NALCN: variants seen among roughly 807,000 people sequenced by gnomAD.
NALCN encodes the protein sodium leak channel, non-selective.
In NALCN, 111 loss-of-function variants were observed where a neutral mutation model predicts 225.3. The ratio of observed to expected loss-of-function variants is 0.49; its 90% CI spans 0.42 to 0.58. The LOEUF is 0.58. Ranked by LOEUF, NALCN falls within the 20% of genes least tolerant of loss-of-function variation. The pLI is 0.00. For synonymous variants in NALCN, 764 were observed against 769.0 expected (o/e 0.99, Z 0.11); for missense variants, 1,378 against 2,202.4 (o/e 0.63, Z 7.49).
chr13:101,107,460 C>A, intron 22 of NALCN, 27 bp downstream of exon 22: 1 of 1,613,626 alleles, frequency 6.2e-7, no homozygotes, highest in South Asian at 1.1e-5. Context: ...TCAGGCCAAA[C>A]ACCTGGCTGA....
At chr13:101,106,524 G>A (rs1470425761) in intron 22 of NALCN, among the ~76,000 whole-genome samples, 2 of 152,110 alleles carry the variant, frequency 1.3e-5, no homozygotes, top group Non-Finnish European at 2.9e-5. Context: ...TACTGATAGG[G>A]TTTGGCTCTG....
chr13:101,278,008 C>T (rs2043020706), intron 10 of NALCN, among the ~76,000 whole-genome samples: 1 of 152,128 alleles, frequency 6.6e-6, no homozygotes, highest in South Asian at 2.1e-4. Flanking sequence ...ATGTAAAATA[C>T]TCTGGTTTTT....
intron 7 of NALCN, among the ~76,000 whole-genome samples, chr13:101,306,639 G>C (rs911870096): frequency 6.6e-6 from 1 of 152,158 alleles, no homozygotes; most frequent in Non-Finnish European, 1.5e-5. Context: ...CATCCCAAAC[G>C]TTAGAATATC....
intron 7 of NALCN, among the ~76,000 whole-genome samples, chr13:101,293,654 T>C (rs1025143360): frequency 6.6e-6 from 1 of 152,184 alleles, no homozygotes; most frequent in Non-Finnish European, 1.5e-5. Flanking sequence ...ACTGTTTCTT[T>C]GAGCCTGTGC....
intron 10 of NALCN, among the ~76,000 whole-genome samples, chr13:101,263,305 C>T (rs1276126733): frequency 6.6e-6 from 1 of 152,210 alleles, no homozygotes; most frequent in Non-Finnish European, 1.5e-5. Context: ...ACCTTCATAA[C>T]ACAGATAGGC....
At chr13:101,389,780 G>T (rs78057340) in intron 3 of NALCN, among the ~76,000 whole-genome samples, 3,242 of 152,252 alleles carry the variant, frequency 0.021, 120 homozygotes, top group African/African-American at 0.074. Context: ...TACAGAATAA[G>T]ATGAATGAAA....
intron 7 of NALCN, among the ~76,000 whole-genome samples, chr13:101,344,632 A>G (rs2045659121): frequency 6.6e-6 from 1 of 152,224 alleles, no homozygotes; most frequent in Non-Finnish European, 1.5e-5. Flanking sequence ...TAAAAATACA[A>G]TGATATCAAC....
chr13:101,066,663 C>T (rs1036959858), intron 39 of NALCN, among the ~76,000 whole-genome samples: 16 of 152,094 alleles, frequency 1.1e-4, no homozygotes, highest in African/African-American at 3.9e-4. Context: ...TGAGAGTGAG[C>T]TCAGATGCCC....
intron 7 of NALCN, among the ~76,000 whole-genome samples, chr13:101,341,610 T>G (rs1301647433): frequency 2.0e-5 from 3 of 152,220 alleles, no homozygotes; most frequent in Non-Finnish European, 1.5e-5. Flanking sequence ...TTTTTCAGTT[T>G]TAAAAGTACC....
intron 1 of NALCN, among the ~76,000 whole-genome samples, chr13:101,409,944 G>A (rs2047732184): frequency 2.0e-5 from 3 of 152,272 alleles, no homozygotes; most frequent in South Asian, 4.2e-4. Context: ...TGGGGCCTTT[G>A]GGAGGTCATG....
chr13:101,397,102 A>ATATATATAT (rs2047325450), intron 2 of NALCN, among the ~76,000 whole-genome samples: 1 of 70,276 alleles, frequency 1.4e-5, no homozygotes, highest in Admixed American at 1.4e-4. Flanking sequence ...ATATATATAT[A>ATATATATAT]TATATATACA....
At chr13:101,291,599 G>A (rs1039127430) in intron 9 of NALCN, among the ~76,000 whole-genome samples, 1 of 152,112 alleles carries the variant, frequency 6.6e-6, no homozygotes. Flanking sequence ...CCAGGCTGGG[G>A]TGCAGTGTTG....
In NALCN at chr13:101,238,084, T is replaced by C. The variant is rs9518353; in HGVS notation, c.1267-162A>G. Among the ~76,000 whole-genome samples, 58,003 of 151,782 alleles carry C rather than the reference T, an allele frequency of 0.38. 12,164 individuals are homozygous for C. Among genetic ancestry groups the C allele is most frequent in the East Asian group, 0.59 (3,047 of 5,176 alleles). Reference sequence around the variant, plus strand: ...TTACTTTAAGAATGCATTTGAAACATACCAACTAGAACACAGTAGACCAAA... The same window carrying C: ...TTACTTTAAGAATGCATTTGAAACACACCAACTAGAACACAGTAGACCAAA... On this transcript the variant is annotated intron_variant, in intron 11 of 43. Transcript: ENST00000251127.
intron 7 of NALCN, among the ~76,000 whole-genome samples, chr13:101,296,593 T>C (rs911180812): frequency 6.6e-6 from 1 of 152,226 alleles, no homozygotes; most frequent in African/African-American, 2.4e-5. Flanking sequence ...TCCATTTTAA[T>C]TATAGAACTA....
Position 101,176,288 on chromosome 13 carries a change from C to T in NALCN, c.1839+12G>A, listed in dbSNP as rs569367367. The T allele has an allele frequency of 6.5e-7, 1 of 1,528,014 alleles. No individual in the cohort carries two copies. Among genetic ancestry groups the T allele is most frequent in the African/African-American group, 1.4e-5 (1 of 70,218 alleles). The allele number at this position is 1,528,014 out of a possible 1,614,324, so 94.7% of individuals were successfully genotyped here. A position where few individuals can be genotyped will look rare whatever the true frequency, so the allele number is the denominator to read the frequency against. On this transcript the variant is annotated intron_variant, in intron 15 of 43. Coordinates refer to ENST00000251127, the MANE Select transcript of NALCN (RefSeq NM_052867.4). Reference sequence around the variant, plus strand: ...TGTCCTTTTTAAAAAAAATCCCCCACACACTACTTACTTGTTTAAGCTTCT... The same window carrying T: ...TGTCCTTTTTAAAAAAAATCCCCCATACACTACTTACTTGTTTAAGCTTCT...
chr13:101,311,197 T>G (rs1441399929), intron 7 of NALCN, among the ~76,000 whole-genome samples: 2 of 151,396 alleles, frequency 1.3e-5, no homozygotes, highest in Non-Finnish European at 2.9e-5. Context: ...TTGTGATTTT[T>G]GCACATTGAT....
chr13:101,346,087 C>CTCTCTCTATATATATATATATATA, intron 6 of NALCN, among the ~76,000 whole-genome samples: 46 of 70,938 alleles, frequency 6.5e-4, no homozygotes, highest in Non-Finnish European at 1.1e-3. Context: ...CTCTCTCTCT[C>CTCTCTCTATATATATATATATATA]TATATATATA....
At chr13:101,093,369 AT>A (rs2034335802) in intron 28 of NALCN, among the ~76,000 whole-genome samples, 1 of 152,244 alleles carries the variant, frequency 6.6e-6, no homozygotes, top group South Asian at 2.1e-4. Context: ...AAATTACAAA[AT>A]TTCAGCTTCC....
chr13:101,065,526 C>A lies in NALCN; in HGVS notation c.4482G>T (p.Leu1494=), dbSNP rs2032303906. 2 of 1,614,010 alleles carry A rather than the reference C, an allele frequency of 1.2e-6. No homozygotes were observed. The highest frequency in any genetic ancestry group is 2.2e-5 in the South Asian group (2 of 91,092). The change falls in exon 40 of 44, where the codon CTG becomes CTT. Residue 1494 remains leucine, a synonymous_variant. Coordinates refer to ENST00000251127, the MANE Select transcript of NALCN (RefSeq NM_052867.4). ...CCTCCAGCCTCCCACGCAGTAGCCG[C>A]AGCAGGAACTTGACGCGGAACGTGG... The part of the protein sequence containing the change: ...VIPTFRVKFL[L]RLLRGRLEVD...
Sources: gnomAD v4.1 joint callset for allele counts (sites outside exome capture counted in the v4.1 genomes callset) on GRCh38, gnomAD v4.1.1 for gene constraint, MANE v1.5 for transcripts, NCBI Gene and HGNC (gene_info 2026-07-23, HGNC 2026-07-21) for gene names.